The following MANSC4 variants were observed in gnomAD, a reference collection of about 807,000 sequenced individuals.
MANSC4 encodes MANSC domain-containing protein 4.
Under a neutral mutation model 11.4 loss-of-function variants are expected in MANSC4, and 11 were observed. That is an observed-to-expected ratio of 0.97 (90% CI 0.61 to 1.60). MANSC4 has a LOEUF of 1.60. Among genes scored for constraint, MANSC4 ranks in the 40% most tolerant of loss-of-function variants. The pLI is 0.00. For missense variants in MANSC4, 354 were observed against 404.6 expected, an observed-to-expected ratio of 0.88 and a Z score of 1.07; for synonymous variants, 123 against 147.1, an observed-to-expected ratio of 0.84 and a Z score of 1.19.
chr12:27,778,955 G>A (rs2062131479), intron 1 of MANSC4, among the ~76,000 whole-genome samples: 2 of 152,132 alleles, frequency 1.3e-5, no homozygotes, highest in African/African-American at 4.8e-5. Flanking sequence ...TGCAACCTCC[G>A]CCTCCCGGGT....
At chr12:27,777,233 A>AAAAAG (rs1241530861) in intron 1 of MANSC4, among the ~76,000 whole-genome samples, 1 of 152,210 alleles carries the variant, frequency 6.6e-6, no homozygotes, top group Non-Finnish European at 1.5e-5. Flanking sequence ...GGTCTGTTTT[A>AAAAAG]AAAAGGCAAG....
rs1330459991 is a variant in MANSC4, at chr12:27,762,553, G to A, written c.*185C>T. On this transcript the variant is annotated 3_prime_UTR_variant, in exon 4 of 4. Transcript: ENST00000381273. ...TTTTATAGAGACAGAGTCTCACTATGTTGCCCAGGCTGGTCTCGAACTCCT... is the reference window on the plus strand; with the variant it reads ...TTTTATAGAGACAGAGTCTCACTATATTGCCCAGGCTGGTCTCGAACTCCT... Among the ~76,000 whole-genome samples the A allele has an allele frequency of 6.6e-6, 1 of 151,702 alleles. No homozygotes were observed.
chr12:27,779,177 T>A (rs138368848), intron 1 of MANSC4, among the ~76,000 whole-genome samples: 4 of 152,038 alleles, frequency 2.6e-5, no homozygotes, highest in Non-Finnish European at 4.4e-5. Context: ...AAACCGCACG[T>A]GTGGTCTCTC....
intron 1 of MANSC4, among the ~76,000 whole-genome samples, chr12:27,775,264 A>G (rs990190873): frequency 6.6e-6 from 1 of 152,066 alleles, no homozygotes; most frequent in African/African-American, 2.4e-5. Flanking sequence ...TGTTGGGGCT[A>G]GTGCAGGAGC....
At chr12:27,766,026 T>C (rs1020695105) in intron 3 of MANSC4, among the ~76,000 whole-genome samples, 2 of 151,902 alleles carry the variant, frequency 1.3e-5, no homozygotes, top group Non-Finnish European at 2.9e-5. Flanking sequence ...AAAACTTCCA[T>C]TTAGCATTTT....
intron 1 of MANSC4, among the ~76,000 whole-genome samples, chr12:27,773,641 C>G (rs1189735136): frequency 6.6e-6 from 1 of 152,176 alleles, no homozygotes; most frequent in African/African-American, 2.4e-5. Flanking sequence ...TGGAGAGTGA[C>G]ATTCTTATTT....
chr12:27,775,747 CAT>C (rs1308529136), intron 1 of MANSC4, among the ~76,000 whole-genome samples: 2 of 150,992 alleles, frequency 1.3e-5, no homozygotes, highest in Non-Finnish European at 2.9e-5. Flanking sequence ...TAAAGGGAAT[CAT>C]ATATGCTGTT....
At chr12:27,779,060 G>A (rs953447111) in intron 1 of MANSC4, among the ~76,000 whole-genome samples, 1 of 152,144 alleles carries the variant, frequency 6.6e-6, no homozygotes, top group African/African-American at 2.4e-5. Flanking sequence ...GTAGAGACGG[G>A]GTTTCACCAT....
chr12:27,775,892 C>A (rs2062118112), intron 1 of MANSC4, among the ~76,000 whole-genome samples: 2 of 150,776 alleles, frequency 1.3e-5, no homozygotes, highest in South Asian at 4.2e-4. Context: ...GAGTTGAAGA[C>A]CAGCCTGGCC....
intron 1 of MANSC4, among the ~76,000 whole-genome samples, chr12:27,776,660 G>C (rs1056719115): frequency 6.6e-6 from 1 of 152,002 alleles, no homozygotes; most frequent in African/African-American, 2.4e-5. Flanking sequence ...AACCTGGGAG[G>C]CCTCTGGGAG....
chr12:27,779,389 T>C (rs1376189929), intron 1 of MANSC4, among the ~76,000 whole-genome samples: 1 of 152,164 alleles, frequency 6.6e-6, no homozygotes, highest in Non-Finnish European at 1.5e-5. Context: ...TGTAACTTTA[T>C]TTAGTCGGGC....
intron 2 of MANSC4, 52 bp downstream of exon 2, chr12:27,770,990 GGGCTTC>G: frequency 7.4e-7 from 1 of 1,343,494 alleles, no homozygotes; most frequent in Non-Finnish European, 1.0e-6. Flanking sequence ...TCCTCACTTA[GGGCTTC>G]ATCCTTGGAA....
intron 2 of MANSC4, among the ~76,000 whole-genome samples, 152 bp from the exon 3 acceptor site, chr12:27,766,951 A>G (rs985224660): frequency 6.6e-6 from 1 of 152,178 alleles, no homozygotes; most frequent in African/African-American, 2.4e-5. Context: ...TTTATAAACT[A>G]TTGTAACTGC....
At chr12:27,774,395 A>G (rs1591810911) in intron 1 of MANSC4, among the ~76,000 whole-genome samples, 1 of 151,706 alleles carries the variant, frequency 6.6e-6, no homozygotes, top group East Asian at 1.9e-4. Context: ...AAAAAATGGT[A>G]CCTGAAAAAC....
At chr12:27,774,570 G>A (rs1344073986) in intron 1 of MANSC4, among the ~76,000 whole-genome samples, 17 of 152,136 alleles carry the variant, frequency 1.1e-4, no homozygotes, top group Non-Finnish European at 4.4e-5. Context: ...ACATATGAAC[G>A]TCAAAATACA....
chr12:27,774,965 A>T (rs528947268), intron 1 of MANSC4, among the ~76,000 whole-genome samples: 1 of 152,030 alleles, frequency 6.6e-6, no homozygotes, highest in South Asian at 2.1e-4. Flanking sequence ...CGGAGCTTGC[A>T]GTGAGCTGAG....
At chr12:27,768,274 G>A (rs886990475) in intron 2 of MANSC4, among the ~76,000 whole-genome samples, 4 of 151,260 alleles carry the variant, frequency 2.6e-5, no homozygotes, top group Non-Finnish European at 2.9e-5. Flanking sequence ...ATGGTGGCAC[G>A]CATCTGTAAT....
chr12:27,774,537 T>C (rs1409611407), intron 1 of MANSC4, among the ~76,000 whole-genome samples: 3 of 152,198 alleles, frequency 2.0e-5, no homozygotes, highest in Non-Finnish European at 4.4e-5. Flanking sequence ...TAAACATCTT[T>C]CTGGATATTG....
At position 27,771,165 on chromosome 12, in the gene MANSC4, A is replaced by G; in HGVS notation, c.112T>C (p.Phe38Leu). 6.4e-7 allele frequency: 1 copy of G among 1,552,036 alleles called. No individual in the cohort carries two copies. The highest frequency in any genetic ancestry group is 8.7e-7 in the Non-Finnish European group (1 of 1,147,074). The change falls in exon 2 of 4, where the codon TTC becomes CTC. Residue 38 changes from phenylalanine (F) to leucine (L), a missense_variant. By Grantham distance (22) the Phe-to-Leu change is conservative (BLOSUM62 0). Coordinates refer to ENST00000381273, the MANE Select transcript of MANSC4 (RefSeq NM_001146221.5). ...TCCAGATTGATTAGAAGACCTGGGA[A>G]GCGACGGATCCAGCAGTCTCTGTAA... is the stretch of plus-strand genomic sequence containing the variant. ...IFYRDCWIRRFPGLLINLEES... is the reference protein window; with the variant it reads ...IFYRDCWIRRLPGLLINLEES...
Sources: allele counts gnomAD v4.1 joint callset (sites outside exome capture counted in the v4.1 genomes callset), GRCh38; gene constraint gnomAD v4.1.1; transcripts MANE v1.5; gene names NCBI Gene and HGNC (gene_info 2026-07-23, HGNC 2026-07-21).